The following ZNF609 variants were observed in gnomAD, a reference collection of about 807,000 sequenced individuals.
ZNF609 encodes zinc finger protein 609.
ZNF609 carries 11 observed loss-of-function variants against 109.5 expected under a neutral mutation model. The observed-to-expected ratio is 0.10, with a 90% CI of 0.06 to 0.17. The LOEUF is 0.17. Among genes scored for constraint, ZNF609 ranks in the 10% least tolerant of loss-of-function variants. The pLI is 1.00. For missense variants in ZNF609, 1,559 were observed against 1,772.4 expected (o/e 0.88, Z 2.16); for synonymous variants, 646 against 662.0 (o/e 0.98, Z 0.37).
chr15:64,468,422 A>AT (rs999494952), intron 1 of ZNF609, among the ~76,000 whole-genome samples: 16 of 151,142 alleles, frequency 1.1e-4, no homozygotes, highest in African/African-American at 2.0e-4. Context: ...CACCTGGCTA[A>AT]TTTTTTTGTG....
At chr15:64,555,713 C>A (rs1401578372) in intron 2 of ZNF609, among the ~76,000 whole-genome samples, 1 of 151,780 alleles carries the variant, frequency 6.6e-6, no homozygotes, top group Non-Finnish European at 1.5e-5. Flanking sequence ...GAAACCCTGT[C>A]TCTACTAAGA....
At chr15:64,487,513 C>G (rs890731267) in intron 1 of ZNF609, among the ~76,000 whole-genome samples, 2 of 152,100 alleles carry the variant, frequency 1.3e-5, no homozygotes, top group African/African-American at 4.8e-5. Context: ...TTTCCAGCAC[C>G]CTGCAAGATT....
chr15:64,528,255 G>A (rs1054489035), intron 2 of ZNF609, among the ~76,000 whole-genome samples: 3 of 151,666 alleles, frequency 2.0e-5, no homozygotes, highest in East Asian at 1.9e-4. Context: ...GTGCCACCAC[G>A]CCCAGCTAAT....
At chr15:64,609,375 G>A (rs1181161105) in intron 2 of ZNF609, among the ~76,000 whole-genome samples, 1 of 151,520 alleles carries the variant, frequency 6.6e-6, no homozygotes, top group African/African-American at 2.4e-5. Context: ...TAGAGATGGG[G>A]TTTCACCTTG....
At chr15:64,608,949 C>T (rs1190423557) in intron 2 of ZNF609, among the ~76,000 whole-genome samples, 3 of 152,170 alleles carry the variant, frequency 2.0e-5, no homozygotes, top group African/African-American at 7.2e-5. Context: ...GTTGCCCCTG[C>T]AGATCTGGAA....
At chr15:64,483,191 G>T (rs1047654404) in intron 1 of ZNF609, among the ~76,000 whole-genome samples, 16 of 151,960 alleles carry the variant, frequency 1.1e-4, no homozygotes, top group Non-Finnish European at 2.2e-4. Flanking sequence ...CACCTTCCGG[G>T]TTCAAGTGAT....
chr15:64,586,987 T>TTAGCTTTTCTTC (rs1895209654), intron 2 of ZNF609, among the ~76,000 whole-genome samples: 1 of 152,252 alleles, frequency 6.6e-6, no homozygotes. Flanking sequence ...TTCTTTTCTT[T>TTAGCTTTTCTTC]TAGCTTTTCT....
At chr15:64,466,116 CAAAAAAAAA>C (rs749648623) in intron 1 of ZNF609, among the ~76,000 whole-genome samples, 1 of 81,884 alleles carries the variant, frequency 1.2e-5, no homozygotes, top group African/African-American at 5.0e-5. Context: ...AACCCTGTCT[CAAAAAAAAA>C]AAAAAAAAAA....
intron 2 of ZNF609, among the ~76,000 whole-genome samples, chr15:64,508,018 A>G (rs1047930581): frequency 1.3e-5 from 2 of 152,216 alleles, no homozygotes; most frequent in Non-Finnish European, 2.9e-5. Flanking sequence ...TGACATTGAC[A>G]TAGTCAATAT....
chr15:64,498,890 A>T (rs1490371495), intron 1 of ZNF609, among the ~76,000 whole-genome samples: 1 of 152,212 alleles, frequency 6.6e-6, no homozygotes. Flanking sequence ...ATAATGTAAG[A>T]AAAAGCAAGG....
rs1195687815 is a variant in ZNF609, at chr15:64,593,155, C to T, written c.748-29672C>T. The T allele has an allele frequency of 8.3e-6, 13 of 1,564,810 alleles. No homozygotes were observed. In the East Asian group the frequency reaches 1.6e-4, roughly 19 times the overall value. On this transcript the variant is annotated intron_variant, in intron 2 of 9. Transcript: ENST00000326648. ...GGGACATTTCTGAAGCGAGCGTCTT[C>T]GATGCCTATGTGCTTCCCAAGCTGT...
intron 2 of ZNF609, among the ~76,000 whole-genome samples, chr15:64,560,460 AC>A (rs1181786598): frequency 1.3e-5 from 2 of 151,566 alleles, no homozygotes; most frequent in East Asian, 1.9e-4. Flanking sequence ...GTCATCTCTT[AC>A]CCAGGGAATT....
chr15:64,646,428 C>T (rs978868316), intron 3 of ZNF609, among the ~76,000 whole-genome samples: 1 of 151,374 alleles, frequency 6.6e-6, no homozygotes, highest in Non-Finnish European at 1.5e-5. Context: ...GTCAGGAGTT[C>T]GAGACCAGCC....
At chr15:64,600,466 A>G (rs868179858) in intron 2 of ZNF609, among the ~76,000 whole-genome samples, 7 of 131,728 alleles carry the variant, frequency 5.3e-5, no homozygotes, top group African/African-American at 1.3e-4. Context: ...AAAAAAAAAA[A>G]GAAAAAAAAA....
At chr15:64,485,435 A>G (rs761441354) in intron 1 of ZNF609, among the ~76,000 whole-genome samples, 5 of 152,248 alleles carry the variant, frequency 3.3e-5, no homozygotes, top group Non-Finnish European at 2.9e-5. Flanking sequence ...AAAATGGAAG[A>G]TAAAGTGTTT....
intron 8 of ZNF609, 137 bp from the exon 9 acceptor site, chr15:64,681,172 C>T: frequency 1.3e-6 from 1 of 783,242 alleles, no homozygotes; most frequent in Non-Finnish European, 2.1e-6. Flanking sequence ...AGAAATAGAG[C>T]CTTATTATCT....
intron 1 of ZNF609, among the ~76,000 whole-genome samples, chr15:64,496,843 T>G (rs1185075194): frequency 6.6e-6 from 1 of 152,000 alleles, no homozygotes; most frequent in East Asian, 1.9e-4. Flanking sequence ...AGACAGCGTC[T>G]CGCTCTGTCA....
intron 2 of ZNF609, chr15:64,593,008 T>C (rs1895327681): frequency 1.3e-6 from 2 of 1,563,246 alleles, no homozygotes; most frequent in Non-Finnish European, 1.7e-6. Context: ...ACAATGGTCG[T>C]GCCAAAAAGG....
chr15:64,539,800 CTAATTTTTGTATTTTTAGTAG>C (rs1197961681), intron 2 of ZNF609, among the ~76,000 whole-genome samples: 1 of 151,810 alleles, frequency 6.6e-6, no homozygotes, highest in Non-Finnish European at 1.5e-5. Flanking sequence ...GCCTACCTGC[CTAATTTTTGTATTTTTAGTAG>C]TGACAGGGTT....
Sources: gnomAD v4.1 joint callset for allele counts (sites outside exome capture counted in the v4.1 genomes callset) on GRCh38, gnomAD v4.1.1 for gene constraint, MANE v1.5 for transcripts, NCBI Gene and HGNC (gene_info 2026-07-23, HGNC 2026-07-21) for gene names.